Variants in GRIK4 observed in about 807,000 individuals in gnomAD.
GRIK4 encodes glutamate receptor ionotropic, kainate 4.
In GRIK4, 40 loss-of-function variants were observed where a neutral mutation model predicts 104.9. The observed-to-expected ratio is 0.38, with a 90% CI of 0.30 to 0.50. The LOEUF is 0.50. GRIK4 is among the 20% of genes least tolerant of loss of function. The pLI is 0.93. For missense variants in GRIK4, 1,047 were observed against 1,308.1 expected, an observed-to-expected ratio of 0.80 and a Z score of 3.08; for synonymous variants, 485 against 524.9, an observed-to-expected ratio of 0.92 and a Z score of 1.04.
At chr11:120,822,768 C>G (rs1429132255) in intron 6 of GRIK4, among the ~76,000 whole-genome samples, 1 of 152,134 alleles carries the variant, frequency 6.6e-6, no homozygotes, top group Non-Finnish European at 1.5e-5. Context: ...TTTGGATAAC[C>G]CTTCATTCTA....
At chr11:120,782,489 G>T (rs1293217480) in intron 3 of GRIK4, among the ~76,000 whole-genome samples, 1 of 152,134 alleles carries the variant, frequency 6.6e-6, no homozygotes, top group East Asian at 1.9e-4. Flanking sequence ...GTTTCACCGT[G>T]TTAGCCAGGA....
At chr11:120,888,426 G>A (rs1410001085) in intron 11 of GRIK4, among the ~76,000 whole-genome samples, 3 of 152,162 alleles carry the variant, frequency 2.0e-5, no homozygotes, top group African/African-American at 7.2e-5. Flanking sequence ...GATTAGATGA[G>A]ATGACAAATA....
chr11:120,739,697 G>A (rs908438854), intron 3 of GRIK4, among the ~76,000 whole-genome samples: 8 of 152,210 alleles, frequency 5.3e-5, no homozygotes, highest in African/African-American at 1.9e-4. Context: ...GCAATACGGG[G>A]CACTTTGGAG....
At chr11:120,759,951 C>G (rs1951718408) in intron 3 of GRIK4, among the ~76,000 whole-genome samples, 1 of 152,004 alleles carries the variant, frequency 6.6e-6, no homozygotes. Flanking sequence ...TATTATCACA[C>G]ATACTTTTTA....
At position 120,614,931 on chromosome 11, in the gene GRIK4, G is replaced by A. The variant is rs571758521; in HGVS notation, c.-158-38754G>A. On this transcript the variant is annotated intron_variant, in intron 1 of 20. Transcript: ENST00000527524. ...GGAGAATGGTGTGAACCCAGGAGGC[G>A]GAGCTTGCAGTGAGCTGAGATCGCG... 4.6e-5 allele frequency among the ~76,000 whole-genome samples: 7 copies of A among 152,272 alleles called. 1 individual carries two copies. Among genetic ancestry groups the A allele is most frequent in the African/African-American group, 1.4e-4 (6 of 41,564 alleles).
At chr11:120,803,829 ATGG>A (rs1410736478) in intron 4 of GRIK4, among the ~76,000 whole-genome samples, 4 of 152,220 alleles carry the variant, frequency 2.6e-5, no homozygotes, top group African/African-American at 7.2e-5. Flanking sequence ...AGTCACACAT[ATGG>A]AGCCCCTACT....
intron 1 of GRIK4, among the ~76,000 whole-genome samples, chr11:120,613,167 A>G (rs1246088831): frequency 3.9e-5 from 6 of 152,146 alleles, no homozygotes; most frequent in African/African-American, 1.2e-4. Context: ...GGAGAGACCA[A>G]AGTTCACAGC....
chr11:120,545,600 G>A (rs771149385), intron 1 of GRIK4, among the ~76,000 whole-genome samples: 1 of 152,248 alleles, frequency 6.6e-6, no homozygotes, highest in Admixed American at 6.5e-5. Flanking sequence ...GTCACACAGC[G>A]AAGAAGTGAT....
intron 11 of GRIK4, among the ~76,000 whole-genome samples, chr11:120,883,222 C>T (rs901422565): frequency 1.3e-5 from 2 of 152,130 alleles, no homozygotes; most frequent in Non-Finnish European, 2.9e-5. Context: ...ATGTGCTGTC[C>T]GGGCCTAAGG....
At chr11:120,954,040 G>A (rs185301606) in intron 15 of GRIK4, among the ~76,000 whole-genome samples, 7 of 152,246 alleles carry the variant, frequency 4.6e-5, no homozygotes, top group Admixed American at 2.0e-4. Context: ...CTGTGGGGTG[G>A]GTGGGGTCTT....
chr11:120,887,116 C>T (rs1955140081), intron 11 of GRIK4, among the ~76,000 whole-genome samples: 1 of 152,190 alleles, frequency 6.6e-6, no homozygotes, highest in Admixed American at 6.5e-5. Flanking sequence ...TTTCCTTTTT[C>T]CTTAGTTGTG....
chr11:120,677,186 C>T (rs967838908), intron 3 of GRIK4, among the ~76,000 whole-genome samples: 5 of 152,168 alleles, frequency 3.3e-5, no homozygotes, highest in Non-Finnish European at 2.9e-5. Context: ...TATTTTATCA[C>T]GTTGATTTAG....
chr11:120,794,505 C>T lies in GRIK4; in HGVS notation c.83-8188C>T, dbSNP rs573655624. Among the ~76,000 whole-genome samples the T allele has an allele frequency of 1.1e-3, 170 of 151,884 alleles. 1 individual carries two copies. The highest frequency in any genetic ancestry group is 7.5e-3 in the South Asian group (36 of 4,812). On this transcript the variant is annotated intron_variant, in intron 3 of 20. Transcript: ENST00000527524. Reference sequence around the variant, plus strand: ...TGGTGTTGAGGTAAGAAAGTTAAAACGAGGTTGTTAGGTTTGTCCCGAATC... The same window carrying T: ...TGGTGTTGAGGTAAGAAAGTTAAAATGAGGTTGTTAGGTTTGTCCCGAATC...
At chr11:120,834,663 G>C (rs1459848457) in intron 7 of GRIK4, among the ~76,000 whole-genome samples, 1 of 152,182 alleles carries the variant, frequency 6.6e-6, no homozygotes, top group African/African-American at 2.4e-5. Flanking sequence ...CAGTGTGCAC[G>C]TGGGAGTCCA....
At chr11:120,775,903 A>G (rs1006746297) in intron 3 of GRIK4, among the ~76,000 whole-genome samples, 4 of 152,168 alleles carry the variant, frequency 2.6e-5, no homozygotes, top group Non-Finnish European at 5.9e-5. Context: ...TATTATTACC[A>G]CTGGGGTCAG....
intron 3 of GRIK4, among the ~76,000 whole-genome samples, chr11:120,712,522 A>T (rs748162749): frequency 6.6e-6 from 1 of 151,906 alleles, no homozygotes; most frequent in African/African-American, 2.4e-5. Context: ...GCACGGTGGC[A>T]CATGTCTGGA....
chr11:120,857,663 C>A (rs1591996017), intron 8 of GRIK4, among the ~76,000 whole-genome samples: 1 of 152,292 alleles, frequency 6.6e-6, no homozygotes, highest in South Asian at 2.1e-4. Flanking sequence ...TGTTTTTACA[C>A]CTTCTGGAGG....
At chr11:120,557,494 G>A (rs138507810) in intron 1 of GRIK4, among the ~76,000 whole-genome samples, 291 of 152,274 alleles carry the variant, frequency 1.9e-3, no homozygotes, top group South Asian at 3.5e-3. Context: ...AATTAATTTT[G>A]CAAGTAAAAT....
intron 13 of GRIK4, among the ~76,000 whole-genome samples, chr11:120,915,717 G>A (rs887181973): frequency 3.3e-5 from 5 of 152,124 alleles, no homozygotes; most frequent in African/African-American, 4.8e-5. Context: ...GTTCAAAGCC[G>A]AGCCACCAGG....
Sources: gnomAD v4.1 joint callset for allele counts (sites outside exome capture counted in the v4.1 genomes callset) on GRCh38, gnomAD v4.1.1 for gene constraint, MANE v1.5 for transcripts, NCBI Gene and HGNC (gene_info 2026-07-23, HGNC 2026-07-21) for gene names.